The following PIK3C2G variants were observed in gnomAD, a reference collection of about 807,000 sequenced individuals.
PIK3C2G encodes phosphatidylinositol-4-phosphate 3-kinase catalytic subunit type 2 gamma.
In PIK3C2G, 168 loss-of-function variants were observed where a neutral mutation model predicts 181.1. The observed-to-expected ratio is 0.93, with a 90% CI of 0.82 to 1.05. The LOEUF is 1.05. Ranked by LOEUF, PIK3C2G falls within the 50% of genes least tolerant of loss-of-function variation. PIK3C2G has a pLI of 0.00. For missense variants in PIK3C2G, 1,869 were observed against 1,732.8 expected, an observed-to-expected ratio of 1.08 and a Z score of -1.40; for synonymous variants, 573 against 592.2, an observed-to-expected ratio of 0.97 and a Z score of 0.47.
chr12:18,519,957 C>T (rs150641988), intron 24 of PIK3C2G, among the ~76,000 whole-genome samples: 22 of 146,472 alleles, frequency 1.5e-4, no homozygotes, highest in African/African-American at 5.4e-4. Context: ...ATGACCCTGC[C>T]ACATCCCCCT....
chr12:18,710,866 T>C, the PIK3C2G span, among the ~76,000 whole-genome samples: 3 of 152,168 alleles, frequency 2.0e-5, no homozygotes, highest in Admixed American at 2.0e-4. Context: ...ATGGCGATCA[T>C]TAAAAAGTCA....
intron 24 of PIK3C2G, among the ~76,000 whole-genome samples, chr12:18,510,154 A>G (rs905209671): frequency 2.6e-4 from 40 of 152,238 alleles, no homozygotes; most frequent in African/African-American, 9.4e-4. Flanking sequence ...ATTGTTTTGT[A>G]GAGATAGGGT....
At chr12:18,523,918 G>A (rs926844082) in intron 24 of PIK3C2G, among the ~76,000 whole-genome samples, 9 of 152,334 alleles carry the variant, frequency 5.9e-5, no homozygotes, top group Middle Eastern at 3.4e-3. Context: ...GCTGTGTGGG[G>A]AAGCTGTCTA....
At chr12:18,393,861 G>T (rs539181196) in intron 15 of PIK3C2G, among the ~76,000 whole-genome samples, 98 of 152,254 alleles carry the variant, frequency 6.4e-4, no homozygotes, top group African/African-American at 1.5e-3. Flanking sequence ...CTCCTGCTGA[G>T]ATATTTTTAA....
chr12:18,321,033 G>A lies in PIK3C2G; in HGVS notation c.1208+1G>A, dbSNP rs1448044552. ...TTATGCATATTTGGAAAGTATCCAGGTAAGATATTTTATATTTGTTCCAAG... is the reference window on the plus strand; with the variant it reads ...TTATGCATATTTGGAAAGTATCCAGATAAGATATTTTATATTTGTTCCAAG... On this transcript the variant is annotated splice_donor_variant, in intron 7 of 32. Transcript: ENST00000538779. LOFTEE classifies it high-confidence loss of function. 1.4e-6 allele frequency: 2 copies of A among 1,445,534 alleles called. No homozygotes were observed. Among genetic ancestry groups the A allele is most frequent in the Non-Finnish European group, 1.9e-6 (2 of 1,037,690 alleles). 89.5% of individuals were successfully genotyped at this position (1,445,534 alleles called of 1,614,324 possible).
At chr12:18,578,927 C>T (rs1350780101) in intron 29 of PIK3C2G, among the ~76,000 whole-genome samples, 1 of 152,004 alleles carries the variant, frequency 6.6e-6, no homozygotes, top group Admixed American at 6.5e-5. Context: ...TAGAAAAATT[C>T]TCCTAAAATG....
intron 13 of PIK3C2G, among the ~76,000 whole-genome samples, chr12:18,378,892 A>C (rs1225024180): frequency 2.0e-5 from 3 of 152,224 alleles, no homozygotes; most frequent in Non-Finnish European, 4.4e-5. Context: ...GTGGAGAAAT[A>C]GGAACACTTT....
intron 31 of PIK3C2G, among the ~76,000 whole-genome samples, chr12:18,637,606 A>C (rs1354329018): frequency 6.6e-6 from 1 of 152,172 alleles, no homozygotes; most frequent in Non-Finnish European, 1.5e-5. Context: ...CCCCTGCCAC[A>C]CTGGGATCTA....
At chr12:18,689,393 C>T in the PIK3C2G span, among the ~76,000 whole-genome samples, 1,164 of 152,256 alleles carry the variant, frequency 7.6e-3, 16 homozygotes, top group African/African-American at 0.027. Context: ...GCTTTGAATG[C>T]GGCCCAACGC....
chr12:18,316,290 T>C (rs1175543495), intron 6 of PIK3C2G, among the ~76,000 whole-genome samples: 1 of 152,172 alleles, frequency 6.6e-6, no homozygotes, highest in Non-Finnish European at 1.5e-5. Context: ...TCCGTCAATA[T>C]TAAACTTAAG....
chr12:18,657,066 CA>C, the PIK3C2G span, among the ~76,000 whole-genome samples: 2 of 151,882 alleles, frequency 1.3e-5, no homozygotes, highest in African/African-American at 4.8e-5. Flanking sequence ...CTAGTGATCC[CA>C]AAAAAACAAG....
At chr12:18,496,718 G>T (rs117861561) in intron 21 of PIK3C2G, among the ~76,000 whole-genome samples, 124 of 152,194 alleles carry the variant, frequency 8.1e-4, no homozygotes, top group Non-Finnish European at 1.3e-3. Flanking sequence ...GTAAGAATAT[G>T]CCCGTCTTCC....
At chr12:18,436,011 A>G (rs963571527) in intron 18 of PIK3C2G, among the ~76,000 whole-genome samples, 6 of 151,976 alleles carry the variant, frequency 3.9e-5, no homozygotes, top group African/African-American at 1.4e-4. Context: ...CAATTATATG[A>G]AGAATTAATT....
the PIK3C2G span, among the ~76,000 whole-genome samples, chr12:18,672,352 G>T: frequency 6.6e-6 from 1 of 151,896 alleles, no homozygotes; most frequent in African/African-American, 2.4e-5. Context: ...AAAAGGGAAA[G>T]GTTTTTAATT....
At chr12:18,366,533 A>T (rs945565503) in intron 12 of PIK3C2G, among the ~76,000 whole-genome samples, 3 of 152,198 alleles carry the variant, frequency 2.0e-5, no homozygotes, top group Admixed American at 6.5e-5. Flanking sequence ...CTGTCTCAAA[A>T]AAATAAATAA....
upstream of PIK3C2G, among the ~76,000 whole-genome samples, chr12:18,259,011 A>G (rs978906932): frequency 2.6e-5 from 4 of 152,232 alleles, no homozygotes; most frequent in Middle Eastern, 3.4e-3. Flanking sequence ...GCAGTTTCCT[A>G]TATTTGAAAG....
intron 5 of PIK3C2G, among the ~76,000 whole-genome samples, chr12:18,299,896 A>G (rs1177765861): frequency 6.6e-6 from 1 of 151,748 alleles, no homozygotes; most frequent in Admixed American, 6.6e-5. Flanking sequence ...ATCATGGTGT[A>G]TTACCTTTTT....
intron 24 of PIK3C2G, among the ~76,000 whole-genome samples, chr12:18,537,348 T>A (rs1943913817): frequency 6.6e-6 from 1 of 152,118 alleles, no homozygotes; most frequent in Non-Finnish European, 1.5e-5. Flanking sequence ...AAACTCTGTG[T>A]TCTTATTCAA....
chr12:18,300,406 TAA>T (rs1950124902), intron 5 of PIK3C2G, among the ~76,000 whole-genome samples: 2 of 152,038 alleles, frequency 1.3e-5, no homozygotes, highest in African/African-American at 4.8e-5. Context: ...GTTTTTCACT[TAA>T]GTCTATTTTA....
Sources: gnomAD v4.1 joint callset for allele counts (sites outside exome capture counted in the v4.1 genomes callset) on GRCh38, gnomAD v4.1.1 for gene constraint, MANE v1.5 for transcripts, NCBI Gene and HGNC (gene_info 2026-07-23, HGNC 2026-07-21) for gene names.